Variants in USP31 observed in about 807,000 individuals in gnomAD.
USP31 encodes the protein ubiquitin specific peptidase 31.
A neutral mutation model predicts 119.4 loss-of-function variants in USP31; 44 were observed. The ratio of observed to expected loss-of-function variants is 0.37; its 90% CI spans 0.29 to 0.47. The LOEUF (loss-of-function observed/expected upper bound fraction) is 0.47, where lower values mean the gene tolerates loss of function less well. Ranked by LOEUF, USP31 falls within the 20% of genes least tolerant of loss-of-function variation. The pLI, the probability that USP31 is intolerant of heterozygous loss-of-function variation, is 0.99. For synonymous variants in USP31, 749 were observed against 705.6 expected (o/e 1.06, Z -0.97); for missense variants, 1,643 against 1,730.2 (o/e 0.95, Z 0.89).
chr16:23,141,718 T>A (rs760775854), intron 1 of USP31, among the ~76,000 whole-genome samples: 34 of 152,210 alleles, frequency 2.2e-4, no homozygotes, highest in Non-Finnish European at 4.6e-4. Flanking sequence ...GTTTATTGAA[T>A]AATATCTGCC....
intron 5 of USP31, among the ~76,000 whole-genome samples, chr16:23,103,230 C>T (rs545220552): frequency 2.0e-5 from 3 of 152,134 alleles, no homozygotes; most frequent in Non-Finnish European, 2.9e-5. Context: ...GAGTCCACAT[C>T]TGACTCTGAG....
At chr16:23,148,520 C>T (rs1489995269) in intron 1 of USP31, 118 bp downstream of exon 1, 15 of 1,323,540 alleles carry the variant, frequency 1.1e-5, no homozygotes, top group Admixed American at 4.1e-5. Flanking sequence ...CCAGACCACT[C>T]GGAGCAACCA....
At chr16:23,129,811 AGG>A (rs1308156196) in intron 1 of USP31, among the ~76,000 whole-genome samples, 2 of 152,194 alleles carry the variant, frequency 1.3e-5, no homozygotes, top group Non-Finnish European at 2.9e-5. Flanking sequence ...TACAGGGGTT[AGG>A]GGAACTTTAA....
chr16:23,087,633 T>C (rs2141848784), intron 8 of USP31, 91 bp downstream of exon 8: 1 of 1,237,290 alleles, frequency 8.1e-7, no homozygotes, highest in South Asian at 1.4e-5. Flanking sequence ...CCTGGAAATC[T>C]AAACACAAGA....
chr16:23,090,340 C>T (rs1247412403), intron 7 of USP31, among the ~76,000 whole-genome samples: 5 of 152,048 alleles, frequency 3.3e-5, no homozygotes, highest in Non-Finnish European at 7.4e-5. Flanking sequence ...GAACCGAGAT[C>T]GCGCAACTAC....
chr16:23,114,857 G>C (rs1316670542), intron 1 of USP31, among the ~76,000 whole-genome samples: 1 of 152,070 alleles, frequency 6.6e-6, no homozygotes, highest in Non-Finnish European at 1.5e-5. Context: ...AACACAAAAG[G>C]TCCTCTTTCT....
At position 23,087,128 on chromosome 16, in the gene USP31, T is replaced by C. The variant is rs533177666; in HGVS notation, c.1586A>G (p.Gln529Arg). ...TGGGTGGCACAAGGGCTGCTCCTCC[T>C]GGGGCAGCAAATATGTTATTCCAAC... ...SVVGITYLLP[Q>R]EEQPLCHPIV... The change falls in exon 9 of 16, where the codon CAG (glutamine) becomes CGG (arginine). Residue 529 changes from glutamine to arginine, a missense_variant. By Grantham distance (43) the Gln-to-Arg change is conservative (BLOSUM62 1). Around this residue, in one of 5 missense-constraint regions of USP31, gnomAD observed 219 missense variants for 226.4 expected, o/e 0.97. Transcript: ENST00000219689. 5 of 1,613,850 alleles carry C rather than the reference T, an allele frequency of 3.1e-6. No homozygotes were observed. The South Asian group carries it at 3.3e-5, about 11-fold the overall frequency.
rs1382900003 is a variant in USP31 at position 23,083,699 on chromosome 16, G to T, written c.1831-1142C>A. 2.1e-3 allele frequency among the ~76,000 whole-genome samples: 240 copies of T among 112,060 alleles called. 3 individuals carry two copies. Among genetic ancestry groups the T allele is most frequent in the African/African-American group, 7.5e-3 (223 of 29,768 alleles). The allele number at this position is 112,060 out of a possible 152,430, so 73.5% of individuals were successfully genotyped here. ...CATAATTGAGTGCAAACCTGGCGGG[G>T]GGGGGGGGGGGGAAGGGGTGAAAAA... On this transcript the variant is annotated intron_variant, in intron 11 of 15. Transcript: ENST00000219689.
chr16:23,100,668 G>A (rs535530204), intron 6 of USP31, among the ~76,000 whole-genome samples: 27 of 152,320 alleles, frequency 1.8e-4, no homozygotes, highest in Admixed American at 7.2e-4. Context: ...AGCTACTCGG[G>A]AGGCTAAGGT....
chr16:23,074,608 T>C lies in USP31; in HGVS notation c.2177-728A>G, dbSNP rs117986727. Among the ~76,000 whole-genome samples the C allele has an allele frequency of 1.7e-3, 255 of 152,294 alleles. 4 individuals carry two copies. Among genetic ancestry groups the C allele is most frequent in the East Asian group, 3.9e-3 (20 of 5,172 alleles). ...ATTTCAGGCTTATCAAGTCCTTGGC[T>C]TGCACTTGAAGCCCTATCCTGCCCT... is the stretch of plus-strand genomic sequence containing the variant. On this transcript the variant is annotated intron_variant, in intron 13 of 15. Transcript: ENST00000219689.
rs1567219509 is a variant in USP31 at position 23,062,237 on chromosome 16, C to T, written c.*5809G>A. The T allele has an allele frequency of 6.6e-6, 1 of 152,378 alleles. No homozygotes were observed. The highest frequency in any genetic ancestry group is 1.5e-5 in the Non-Finnish European group (1 of 68,028). 9.4% of individuals were successfully genotyped at this position (152,378 alleles called of 1,614,324 possible). ...AAGGTGTTGTAGTGCATTCAGCTCACCACAGATTAAAACTAAATTTTATTT... is the reference window on the plus strand; with the variant it reads ...AAGGTGTTGTAGTGCATTCAGCTCATCACAGATTAAAACTAAATTTTATTT... On this transcript the variant is annotated 3_prime_UTR_variant, in exon 16 of 16. Transcript: ENST00000219689.
At position 23,114,107 on chromosome 16, in the gene USP31, A is replaced by AC. The variant is rs111533917; in HGVS notation, c.634-5925_634-5924insG. On this transcript the variant is annotated intron_variant, in intron 1 of 15. Coordinates refer to ENST00000219689, the MANE Select transcript of USP31 (RefSeq NM_020718.4). ...GCAACAGAGCAAGACCCTTACTCAA[A>AC]AAAAAAAAAATGGTGATTCTTTGGT... Among the ~76,000 whole-genome samples the AC allele has an allele frequency of 6.0e-3, 905 of 151,986 alleles. 7 individuals are homozygous for AC. Among genetic ancestry groups the AC allele is most frequent in the African/African-American group, 0.021 (852 of 41,454 alleles).
intron 1 of USP31, among the ~76,000 whole-genome samples, chr16:23,126,179 T>G (rs1902846456): frequency 6.6e-6 from 1 of 151,332 alleles, no homozygotes; most frequent in African/African-American, 2.4e-5. Context: ...TTTAATTAGC[T>G]GAGAGTGGTG....
In USP31 at chr16:23,069,007, G is replaced by C. The variant is rs370094103; in HGVS notation, c.3098C>G (p.Ser1033Cys). 1.1e-5 allele frequency: 17 copies of C among 1,613,868 alleles called. No individual in the cohort carries two copies. The highest frequency in any genetic ancestry group is 1.4e-5 in the Non-Finnish European group (17 of 1,180,038). ...TKRSPSSKGTSEPEKSLRKGR... is the reference protein window; with the variant it reads ...TKRSPSSKGTCEPEKSLRKGR... ...CTTCCGCAAGCTTTTCTCTGGCTCA[G>C]AAGTGCCTTTGGAACTGGGGGATCT... Residue 1033 changes from serine to cysteine, a missense_variant, in exon 16 of 16, where the codon TCT becomes TGT. Ser to Cys is a moderately radical substitution (Grantham distance 112). This residue lies in a region of USP31 where 699 missense variants were observed against 650.9 expected (regional missense o/e 1.07). Transcript: ENST00000219689.
At position 23,084,979 on chromosome 16, in the gene USP31, T is replaced by C; in HGVS notation, c.1711A>G (p.Asn571Asp). ...DKETRDFLFV[N>D]TEDEYIPDAE... ...TCAGGAATATACTCATCCTCAGTAT[T>C]TACAAATAAGCTGCAATTAGGGGGA... Residue 571 changes from asparagine to aspartate, a missense_variant, in exon 11 of 16, where the codon AAT becomes GAT. This residue lies in a region of USP31 where 279 missense variants were observed against 372.2 expected (regional missense o/e 0.75). Transcript: ENST00000219689. 1 of 1,613,944 alleles carries C rather than the reference T, an allele frequency of 6.2e-7. No individual in the cohort carries two copies. The highest frequency in any genetic ancestry group is 8.5e-7 in the Non-Finnish European group (1 of 1,179,956).
At chr16:23,115,448 A>G (rs1489901475) in intron 1 of USP31, among the ~76,000 whole-genome samples, 1 of 152,222 alleles carries the variant, frequency 6.6e-6, no homozygotes, top group Non-Finnish European at 1.5e-5. Flanking sequence ...GCTTGAGCCC[A>G]GTTCAAGACC....
chr16:23,118,883 G>C lies in USP31; in HGVS notation c.634-10700C>G, dbSNP rs111936710. Among the ~76,000 whole-genome samples the C allele has an allele frequency of 6.0e-3, 917 of 151,932 alleles. 7 individuals carry two copies. Among genetic ancestry groups the C allele is most frequent in the African/African-American group, 0.021 (864 of 41,480 alleles). On this transcript the variant is annotated intron_variant, in intron 1 of 15. Coordinates refer to ENST00000219689, the MANE Select transcript of USP31 (RefSeq NM_020718.4). ...AGCTACTCTACAGGCTGAGGCAGGA[G>C]GATCGCTTGAACCCAGGAGGCGGAG...
At chr16:23,084,512 T>C (rs1901005558) in intron 11 of USP31, among the ~76,000 whole-genome samples, 1 of 152,182 alleles carries the variant, frequency 6.6e-6, no homozygotes, top group Non-Finnish European at 1.5e-5. Context: ...GGCACTTATG[T>C]TCTTAGTACC....
In USP31 at chr16:23,064,943, C is replaced by T. The variant is rs78091431; in HGVS notation, c.*3103G>A. 0.025 allele frequency: 3,850 copies of T among 152,286 alleles called. 58 individuals carry two copies. Among genetic ancestry groups the T allele is most frequent in the African/African-American group, 0.041 (1,686 of 41,554 alleles). The allele number at this position is 152,286 out of a possible 1,614,324, so 9.4% of individuals were successfully genotyped here. ...TTCCCACTGGTCCAGCATATTATTA[C>T]TTACTTTCAGTTCAGCTGCTTTCAG... is the stretch of plus-strand genomic sequence containing the variant. On this transcript the variant is annotated 3_prime_UTR_variant, in exon 16 of 16. Transcript: ENST00000219689.
Sources: allele counts gnomAD v4.1 joint callset (sites outside exome capture counted in the v4.1 genomes callset), GRCh38; gene constraint gnomAD v4.1.1; regional missense constraint gnomAD v4.1.1; transcripts MANE v1.5; gene names NCBI Gene and HGNC (gene_info 2026-07-23, HGNC 2026-07-21).